Variants in LRBA observed in about 807,000 individuals in gnomAD.
LRBA encodes lipopolysaccharide-responsive and beige-like anchor protein.
A neutral mutation model predicts 330.0 loss-of-function variants in LRBA; 176 were observed. That is an observed-to-expected ratio of 0.53 (90% confidence interval 0.47 to 0.60). The LOEUF is 0.60. Among genes scored for constraint, LRBA ranks in the 20% least tolerant of loss-of-function variants. The probability of loss-of-function intolerance (pLI) is 0.00; values close to 1 mark genes in which losing one functional copy is unlikely to be tolerated. For missense variants in LRBA, 3,259 were observed against 3,444.8 expected, an observed-to-expected ratio of 0.95 and a Z score of 1.35; for synonymous variants, 1,230 against 1,193.0, an observed-to-expected ratio of 1.03 and a Z score of -0.64.
rs564427192 is a variant in LRBA, at chr4:150,625,572, T to C, written c.5922-26441A>G. On this transcript the variant is annotated intron_variant, in intron 37 of 56. Transcript: ENST00000651943. ...TCTTGGGTTTCACAGAAAGAGATAT[T>C]ATAATTTAACACAGTGCCTCTCAAT... Among the ~76,000 whole-genome samples, 173 of 152,044 alleles carry C rather than the reference T, an allele frequency of 1.1e-3. 1 individual carries two copies. The highest frequency in any genetic ancestry group is 2.2e-3 in the Admixed American group (34 of 15,262).
chr4:150,400,031 T>C (rs186787667), intron 47 of LRBA, among the ~76,000 whole-genome samples: 4 of 152,184 alleles, frequency 2.6e-5, no homozygotes, highest in Non-Finnish European at 4.4e-5. Context: ...GAATCTGGCA[T>C]TTTTGTAGGC....
At chr4:150,800,043 C>T (rs1741377238) in intron 33 of LRBA, among the ~76,000 whole-genome samples, 1 of 152,194 alleles carries the variant, frequency 6.6e-6, no homozygotes, top group South Asian at 2.1e-4. Context: ...CCATACCTGG[C>T]CCATATACCT....
intron 2 of LRBA, among the ~76,000 whole-genome samples, chr4:150,980,630 T>C (rs1356418695): frequency 2.0e-5 from 3 of 151,610 alleles, no homozygotes; most frequent in Admixed American, 6.6e-5. Context: ...GGTGACAGAG[T>C]GAAATTCGGA....
intron 48 of LRBA, among the ~76,000 whole-genome samples, chr4:150,336,931 C>A (rs1166825744): frequency 6.6e-6 from 1 of 152,192 alleles, no homozygotes; most frequent in African/African-American, 2.4e-5. Flanking sequence ...CTGTCTAGAA[C>A]ATTGATGTGC....
chr4:150,734,438 G>C (rs544168405), intron 36 of LRBA, among the ~76,000 whole-genome samples: 1 of 152,094 alleles, frequency 6.6e-6, no homozygotes, highest in African/African-American at 2.4e-5. Context: ...ATAATTTTCA[G>C]ATTTGCTGGT....
At chr4:150,918,471 G>A (rs567420203) in intron 5 of LRBA, among the ~76,000 whole-genome samples, 3 of 152,114 alleles carry the variant, frequency 2.0e-5, no homozygotes, top group Admixed American at 6.5e-5. Flanking sequence ...GATACTGGCC[G>A]GGCACGGTGG....
At chr4:150,498,600 A>G (rs190331363) in intron 40 of LRBA, among the ~76,000 whole-genome samples, 7 of 152,330 alleles carry the variant, frequency 4.6e-5, no homozygotes, top group Admixed American at 4.6e-4. Context: ...ATAGCAGCAC[A>G]TAAGGTGAAG....
At chr4:150,826,693 G>C (rs1746333357) in intron 30 of LRBA, among the ~76,000 whole-genome samples, 1 of 151,908 alleles carries the variant, frequency 6.6e-6, no homozygotes. Flanking sequence ...AACACTGAGG[G>C]TGTTGAAGTG....
intron 53 of LRBA, among the ~76,000 whole-genome samples, chr4:150,288,432 A>T (rs895427577): frequency 6.6e-6 from 1 of 151,564 alleles, no homozygotes; most frequent in Non-Finnish European, 1.5e-5. Flanking sequence ...ACATGGTGAA[A>T]CCCTGCCTCT....
At chr4:150,771,324 T>C (rs1266852414) in intron 34 of LRBA, among the ~76,000 whole-genome samples, 1 of 152,136 alleles carries the variant, frequency 6.6e-6, no homozygotes, top group East Asian at 1.9e-4. Context: ...TGGAAAACCT[T>C]GTCCCAGCCA....
intron 42 of LRBA, among the ~76,000 whole-genome samples, chr4:150,476,678 A>T (rs1005606243): frequency 7.2e-5 from 11 of 152,198 alleles, no homozygotes; most frequent in African/African-American, 2.4e-4. Context: ...CCTATAGAAA[A>T]AAGGAAATGC....
chr4:150,769,197 G>A (rs1474893710), intron 34 of LRBA, among the ~76,000 whole-genome samples: 2 of 151,928 alleles, frequency 1.3e-5, no homozygotes, highest in Non-Finnish European at 2.9e-5. Context: ...CACCCGCCTC[G>A]GCTTCCCAAA....
At chr4:150,909,586 A>G (rs1014383632) in intron 9 of LRBA, among the ~76,000 whole-genome samples, 1 of 152,186 alleles carries the variant, frequency 6.6e-6, no homozygotes, top group Non-Finnish European at 1.5e-5. Context: ...TATTACTATG[A>G]ACATGGATGG....
chr4:150,845,747 G>A (rs540391751), intron 26 of LRBA, among the ~76,000 whole-genome samples: 1 of 152,298 alleles, frequency 6.6e-6, no homozygotes, highest in African/African-American at 2.4e-5. Flanking sequence ...GGGAACAAGA[G>A]GAGGGAAGAG....
intron 56 of LRBA, among the ~76,000 whole-genome samples, chr4:150,266,131 A>C (rs1445124254): frequency 6.6e-6 from 1 of 151,850 alleles, no homozygotes; most frequent in Non-Finnish European, 1.5e-5. Flanking sequence ...GTAATTTCTA[A>C]AGGGGGACTG....
intron 2 of LRBA, 61 bp from the exon 3 acceptor site, chr4:150,929,126 T>G: frequency 9.6e-7 from 1 of 1,042,368 alleles, no homozygotes. Context: ...CACTATAGCA[T>G]GTTCCTAAAC....
intron 47 of LRBA, among the ~76,000 whole-genome samples, chr4:150,379,303 C>A (rs1415387990): frequency 3.2e-3 from 190 of 59,850 alleles, no homozygotes; most frequent in South Asian, 0.014. Flanking sequence ...AACTCTAGCT[C>A]AAAAAAAAAA....
At chr4:150,609,290 G>T (rs1378866554) in intron 37 of LRBA, among the ~76,000 whole-genome samples, 1 of 152,172 alleles carries the variant, frequency 6.6e-6, no homozygotes, top group Admixed American at 6.5e-5. Flanking sequence ...TCACCAATAT[G>T]AAATGGAAAC....
At chr4:150,351,417 C>T (rs770684765) in intron 47 of LRBA, among the ~76,000 whole-genome samples, 1 of 152,098 alleles carries the variant, frequency 6.6e-6, no homozygotes, top group South Asian at 2.1e-4. Context: ...AGGCCGGGCA[C>T]GGTGGTTCAT....
Sources: allele counts gnomAD v4.1 joint callset (sites outside exome capture counted in the v4.1 genomes callset), GRCh38; gene constraint gnomAD v4.1.1; transcripts MANE v1.5; gene names NCBI Gene and HGNC (gene_info 2026-07-23, HGNC 2026-07-21).